The following LTBP1 variants were observed in gnomAD, a reference collection of about 807,000 sequenced individuals.
LTBP1 encodes the protein latent transforming growth factor beta binding protein 1.
A neutral mutation model predicts 207.6 loss-of-function variants in LTBP1; 129 were observed. That is an observed-to-expected ratio of 0.62 (90% CI 0.54 to 0.72). LTBP1 has a LOEUF of 0.72. Ranked by LOEUF, LTBP1 falls within the 30% of genes least tolerant of loss-of-function variation. LTBP1 has a pLI of 0.00. For synonymous variants in LTBP1, 963 were observed against 833.7 expected (o/e 1.16, Z -2.67); for missense variants, 2,281 against 2,217.2 (o/e 1.03, Z -0.58).
In LTBP1 at chr2:33,378,185, A is replaced by ATGTGTGTG. The variant is rs57388002; in HGVS notation, c.4712-10969_4712-10962dup. Among the ~76,000 whole-genome samples, 89 of 132,036 alleles carry ATGTGTGTG rather than the reference A, an allele frequency of 6.7e-4. No homozygotes were observed. The East Asian group carries it at 9.1e-3, about 14-fold the overall frequency. The allele number at this position is 132,036 out of a possible 152,430, so 86.6% of individuals were successfully genotyped here. ...ACATTTTACTTTCATATATATATAT[A>ATGTGTGTG]TGTGTGTGTGTGTGTGTGTGTGTGT... On this transcript the variant is annotated intron_variant, in intron 31 of 33. Transcript: ENST00000404816.
intron 7 of LTBP1, among the ~76,000 whole-genome samples, chr2:33,212,245 T>TGCTGAATC (rs2090365960): frequency 6.6e-6 from 1 of 152,212 alleles, no homozygotes; most frequent in African/African-American, 2.4e-5. Flanking sequence ...ACCAGTGCAC[T>TGCTGAATC]GCTGAATCAA....
At chr2:33,343,069 C>T (rs977210384) in intron 25 of LTBP1, 106 bp downstream of exon 25, 9 of 1,299,238 alleles carry the variant, frequency 6.9e-6, no homozygotes, top group South Asian at 3.2e-5. Context: ...AGAGCTTTAT[C>T]GTAATTTGAT....
At chr2:33,182,011 T>C (rs1298414956) in intron 5 of LTBP1, among the ~76,000 whole-genome samples, 1 of 152,204 alleles carries the variant, frequency 6.6e-6, no homozygotes, top group Non-Finnish European at 1.5e-5. Context: ...TACATACTTA[T>C]TGAGCTGAGA....
Position 33,360,653 on chromosome 2 carries a change from C to T in LTBP1, c.4057C>T (p.Leu1353Phe), listed in dbSNP as rs1285482281. Reference protein sequence around the residue: ...KEEKKECYYNLNDASLCDNVL... With the variant: ...KEEKKECYYNFNDASLCDNVL... Reference sequence around the variant, plus strand: ...AGAAAAGAAAGAATGCTACTATAATCTCAATGACGCCAGTCTCTGTGATAA... The same window carrying T: ...AGAAAAGAAAGAATGCTACTATAATTTCAATGACGCCAGTCTCTGTGATAA... The change falls in exon 27 of 34, where the codon CTC (leucine) becomes TTC (phenylalanine). Residue 1353 changes from leucine to phenylalanine, a missense_variant. Leu to Phe is a conservative substitution (Grantham distance 22). Transcript: ENST00000404816. 1.9e-6 allele frequency: 3 copies of T among 1,613,718 alleles called. No homozygotes were observed. The highest frequency in any genetic ancestry group is 4.5e-5 in the East Asian group (2 of 44,882).
At position 33,141,079 on chromosome 2, in the gene LTBP1, C is replaced by T. The variant is rs1416184405; in HGVS notation, c.1201+6119C>T. ...ATACTATGTGCCAGGTATGGGGGTT[C>T]AGGCAATAGCAGTGCACTAAATAAA... On this transcript the variant is annotated intron_variant, in intron 5 of 33. Transcript: ENST00000404816. Among the ~76,000 whole-genome samples the T allele has an allele frequency of 2.6e-5, 4 of 152,214 alleles. No homozygotes were observed. In the East Asian group the frequency reaches 7.7e-4, roughly 29 times the overall value.
intron 3 of LTBP1, among the ~76,000 whole-genome samples, chr2:33,035,093 C>A (rs910319899): frequency 4.6e-5 from 7 of 152,166 alleles, no homozygotes; most frequent in African/African-American, 1.4e-4. Flanking sequence ...CTTGGTTCCC[C>A]TTGTTGCCGA....
At chr2:33,115,865 C>A (rs896804223) in intron 4 of LTBP1, among the ~76,000 whole-genome samples, 2 of 152,176 alleles carry the variant, frequency 1.3e-5, no homozygotes, top group Non-Finnish European at 2.9e-5. Context: ...ATTAGTTTGA[C>A]ATAACCTGCT....
intron 5 of LTBP1, among the ~76,000 whole-genome samples, chr2:33,158,821 T>C (rs2084218465): frequency 6.6e-6 from 1 of 152,146 alleles, no homozygotes; most frequent in Non-Finnish European, 1.5e-5. Context: ...CTAACCCCGA[T>C]CCTTTAAATA....
Position 33,388,479 on chromosome 2 carries a change from A to T in LTBP1, c.4712-705A>T, listed in dbSNP as rs146729316. 5.3e-3 allele frequency among the ~76,000 whole-genome samples: 808 copies of T among 152,324 alleles called. 6 individuals are homozygous for T. The highest frequency in any genetic ancestry group is 0.018 in the African/African-American group (767 of 41,570). On this transcript the variant is annotated intron_variant, in intron 31 of 33. Transcript: ENST00000404816. Reference sequence around the variant, plus strand: ...TCTGTGCTTTTGTTTCCTCACTGGTAAAATGGAGATGGTAGAACATAGGAT... The same window carrying T: ...TCTGTGCTTTTGTTTCCTCACTGGTTAAATGGAGATGGTAGAACATAGGAT...
chr2:33,143,728 CT>C (rs2150824323), intron 5 of LTBP1, among the ~76,000 whole-genome samples: 1 of 151,972 alleles, frequency 6.6e-6, no homozygotes, highest in East Asian at 1.9e-4. Context: ...TACTGACAGT[CT>C]TTTACGGAAG....
At chr2:33,274,835 C>T (rs1346182199) in intron 16 of LTBP1, 130 bp from the exon 17 acceptor site, 1 of 812,402 alleles carries the variant, frequency 1.2e-6, no homozygotes, top group East Asian at 2.6e-5. Flanking sequence ...ATCGTGTCTC[C>T]TTTTGCTGTT....
intron 2 of LTBP1, among the ~76,000 whole-genome samples, chr2:32,966,241 C>T (rs1383359659): frequency 6.6e-6 from 1 of 152,106 alleles, no homozygotes; most frequent in Non-Finnish European, 1.5e-5. Context: ...GGTCCTTTAT[C>T]AGACGTGTCT....
In LTBP1 at chr2:32,947,458, T is replaced by C; in HGVS notation, c.134T>C (p.Leu45Pro). 6.9e-7 allele frequency: 1 copy of C among 1,443,566 alleles called. No individual in the cohort carries two copies. The highest frequency in any genetic ancestry group is 1.3e-5 in the South Asian group (1 of 75,174). The allele number at this position is 1,443,566 out of a possible 1,614,324, so 89.4% of individuals were successfully genotyped here. The change falls in exon 1 of 34, where the codon CTG becomes CCG. Residue 45 changes from leucine to proline, a missense_variant. Transcript: ENST00000404816. Reference sequence around the variant, plus strand: ...GGCCTGGCAGCCGGCGCCTTGCCCCTGAGCGGGCCCCCGCGTTCGCGGACA... The same window carrying C: ...GGCCTGGCAGCCGGCGCCTTGCCCCCGAGCGGGCCCCCGCGTTCGCGGACA... ...GPGLAAGALPLSGPPRSRTFN... is the reference protein window; with the variant it reads ...GPGLAAGALPPSGPPRSRTFN...
At chr2:33,050,376 C>G (rs2076670367) in intron 3 of LTBP1, among the ~76,000 whole-genome samples, 1 of 151,948 alleles carries the variant, frequency 6.6e-6, no homozygotes, top group Non-Finnish European at 1.5e-5. Context: ...AGAGGAACTT[C>G]TATTCTTTGA....
intron 9 of LTBP1, among the ~76,000 whole-genome samples, chr2:33,238,727 C>T (rs771861750): frequency 3.9e-5 from 6 of 152,212 alleles, no homozygotes; most frequent in Admixed American, 1.3e-4. Flanking sequence ...TGGCCTTGGA[C>T]GAAATTATCT....
At position 33,386,711 on chromosome 2, in the gene LTBP1, A is replaced by G. The variant is rs192171499; in HGVS notation, c.4712-2473A>G. ...TTGGTAGCTCATGCCTGTAGTTCCAACTACTCAGGAGGCTGAGGTGAAAGG... is the reference window on the plus strand; with the variant it reads ...TTGGTAGCTCATGCCTGTAGTTCCAGCTACTCAGGAGGCTGAGGTGAAAGG... On this transcript the variant is annotated intron_variant, in intron 31 of 33. Transcript: ENST00000404816. 3.3e-3 allele frequency among the ~76,000 whole-genome samples: 501 copies of G among 152,106 alleles called. 2 individuals carry two copies. Among genetic ancestry groups the G allele is most frequent in the Non-Finnish European group, 4.7e-3 (318 of 67,992 alleles).
chr2:33,215,375 C>G (rs1460568895), intron 7 of LTBP1, among the ~76,000 whole-genome samples: 2 of 152,134 alleles, frequency 1.3e-5, no homozygotes, highest in African/African-American at 4.8e-5. Flanking sequence ...TTTTTAATCA[C>G]TATCATATAC....
chr2:33,358,295 CAA>C (rs2094888510), intron 26 of LTBP1, among the ~76,000 whole-genome samples: 1 of 151,664 alleles, frequency 6.6e-6, no homozygotes, highest in Non-Finnish European at 1.5e-5. Context: ...TCTCTTTCTC[CAA>C]AAAGGCAAAG....
At chr2:33,070,850 A>G (rs2077752380) in intron 3 of LTBP1, among the ~76,000 whole-genome samples, 1 of 152,154 alleles carries the variant, frequency 6.6e-6, no homozygotes, top group Non-Finnish European at 1.5e-5. Context: ...TCAGGGGAAT[A>G]GGGTCAAAAC....
Sources: gnomAD v4.1 joint callset for allele counts (sites outside exome capture counted in the v4.1 genomes callset) on GRCh38, gnomAD v4.1.1 for gene constraint, MANE v1.5 for transcripts, NCBI Gene and HGNC (gene_info 2026-07-23, HGNC 2026-07-21) for gene names.